Variants in ROR2 observed in about 807,000 individuals in gnomAD.
ROR2 encodes tyrosine-protein kinase transmembrane receptor ROR2.
In ROR2, 33 loss-of-function variants were observed where a neutral mutation model predicts 74.9. The observed-to-expected ratio is 0.44, with a 90% CI of 0.33 to 0.59. ROR2 has a LOEUF of 0.59. ROR2 is among the 20% of genes least tolerant of loss of function. The pLI is 0.02. For missense variants in ROR2, 1,216 were observed against 1,313.8 expected, an observed-to-expected ratio of 0.93 and a Z score of 1.15; for synonymous variants, 586 against 558.7, an observed-to-expected ratio of 1.05 and a Z score of -0.69.
At chr9:91,925,349 T>C (rs1831368635) in intron 1 of ROR2, among the ~76,000 whole-genome samples, 1 of 151,934 alleles carries the variant, frequency 6.6e-6, no homozygotes, top group Non-Finnish European at 1.5e-5. Flanking sequence ...CCTTCAGCCA[T>C]CCCAACAGCT....
At chr9:91,726,444 G>C in intron 8 of ROR2, 97 bp downstream of exon 8, 1 of 1,140,670 alleles carries the variant, frequency 8.8e-7, no homozygotes, top group South Asian at 1.2e-5. Flanking sequence ...TATGTGCTAT[G>C]TATCAAGTAA....
rs368583341 is a variant in ROR2, at chr9:91,948,566, C to A, written c.97+1301G>T. ...ATCAACATCTGCTTAAACTAAAACC[C>A]CCCCCCAGGAAAGACTGTGCAGCCT... On this transcript the variant is annotated intron_variant, in intron 1 of 8. Transcript: ENST00000375708. 21 of 984,402 alleles carry A rather than the reference C, an allele frequency of 2.1e-5. 1 individual carries two copies. The East Asian group carries it at 1.5e-3, about 69-fold the overall frequency. 61.0% of individuals were successfully genotyped at this position (984,402 alleles called of 1,614,324 possible). A position where few individuals can be genotyped will look rare whatever the true frequency, so the allele number is the denominator to read the frequency against.
intron 1 of ROR2, among the ~76,000 whole-genome samples, chr9:91,812,061 CA>C (rs527726654): frequency 3.9e-3 from 514 of 133,210 alleles, no homozygotes; most frequent in Admixed American, 5.8e-3. Flanking sequence ...TAAAAAAATG[CA>C]AAAAAAAAAA....
intron 2 of ROR2, among the ~76,000 whole-genome samples, chr9:91,763,949 T>C (rs1468302320): frequency 1.3e-5 from 2 of 152,254 alleles, no homozygotes; most frequent in Non-Finnish European, 2.9e-5. Context: ...GTAGTAAGAA[T>C]GTGCTTATTC....
At position 91,757,515 on chromosome 9, in the gene ROR2, CA is replaced by C; in HGVS notation, c.219del (p.Ile73MetfsTer24). The C allele has an allele frequency of 6.2e-7, 1 of 1,613,724 alleles. No individual in the cohort carries two copies. Among genetic ancestry groups the C allele is most frequent in the Admixed American group, 1.7e-5 (1 of 59,948 alleles). On this transcript the variant is annotated frameshift_variant, in exon 3 of 9. Coordinates refer to ENST00000375708, the MANE Select transcript of ROR2 (RefSeq NM_004560.4). LOFTEE classifies it high-confidence loss of function. ...TGCAGAATTGCCGTCTGGCCTTGGA[CA>C]ATGGTGATATTGTTTACTGGCTCCA... is the stretch of plus-strand genomic sequence containing the variant. ...NFLEPVNNIT[I>X]VQGQTAILHC... is the part of the protein sequence containing the mutation.
At chr9:91,878,859 C>T (rs1399089307) in intron 1 of ROR2, among the ~76,000 whole-genome samples, 2 of 152,082 alleles carry the variant, frequency 1.3e-5, no homozygotes, top group East Asian at 1.9e-4. Flanking sequence ...GGGCAGATCA[C>T]GAGGTCAGGA....
intron 2 of ROR2, among the ~76,000 whole-genome samples, chr9:91,765,161 T>C (rs1189421256): frequency 6.6e-6 from 1 of 152,254 alleles, no homozygotes; most frequent in African/African-American, 2.4e-5. Flanking sequence ...TTTCCTCATA[T>C]GATAATTCCA....
rs146263700 is a variant in ROR2 at position 91,826,179 on chromosome 9, C to T, written c.98-50361G>A. Among the ~76,000 whole-genome samples, 674 of 152,298 alleles carry T rather than the reference C, an allele frequency of 4.4e-3. 2 individuals are homozygous for T. The highest frequency in any genetic ancestry group is 6.8e-3 in the Middle Eastern group (2 of 294). On this transcript the variant is annotated intron_variant, in intron 1 of 8. Coordinates refer to ENST00000375708, the MANE Select transcript of ROR2 (RefSeq NM_004560.4). ...CGTGACTACCAGGCTTCAGTTTTCTCATCTACAGAATGGGGGAAATGAGCC... is the reference window on the plus strand; with the variant it reads ...CGTGACTACCAGGCTTCAGTTTTCTTATCTACAGAATGGGGGAAATGAGCC...
intron 1 of ROR2, among the ~76,000 whole-genome samples, chr9:91,922,556 C>T (rs1471166821): frequency 1.3e-5 from 2 of 151,998 alleles, no homozygotes; most frequent in East Asian, 1.9e-4. Context: ...CAGGTTCAAG[C>T]GATTCTCCGG....
chr9:91,863,741 G>A (rs1475969679), intron 1 of ROR2, among the ~76,000 whole-genome samples: 1 of 152,068 alleles, frequency 6.6e-6, no homozygotes, highest in East Asian at 1.9e-4. Flanking sequence ...GCAGATGGCT[G>A]GGCCTGGGGG....
At chr9:91,793,481 A>G (rs1827068643) in intron 1 of ROR2, among the ~76,000 whole-genome samples, 2 of 152,162 alleles carry the variant, frequency 1.3e-5, no homozygotes, top group South Asian at 4.1e-4. Context: ...AGCTCTGTTC[A>G]TTAATGAGAA....
intron 1 of ROR2, among the ~76,000 whole-genome samples, chr9:91,778,946 G>C (rs553678562): frequency 3.2e-4 from 48 of 152,234 alleles, no homozygotes; most frequent in African/African-American, 7.7e-4. Flanking sequence ...TTTAAGTGTG[G>C]CTGGTATAAT....
At chr9:91,863,873 G>C (rs1469710530) in intron 1 of ROR2, among the ~76,000 whole-genome samples, 1 of 152,182 alleles carries the variant, frequency 6.6e-6, no homozygotes, top group Non-Finnish European at 1.5e-5. Context: ...CTGGGTTATA[G>C]ACTTTAAATG....
intron 1 of ROR2, among the ~76,000 whole-genome samples, chr9:91,845,669 G>A (rs1384349241): frequency 1.3e-5 from 2 of 151,964 alleles, no homozygotes; most frequent in East Asian, 1.9e-4. Context: ...ATCACCTGAG[G>A]TCAGGCGTTT....
rs766587026 is a variant in ROR2, at chr9:91,723,802, G to C, written c.2692C>G (p.Gln898Glu). Residue 898 changes from glutamine (Q) to glutamate (E), a missense_variant, in exon 9 of 9, where the codon CAG (glutamine) becomes GAG (glutamate). Gln to Glu is a conservative substitution (Grantham distance 29). Transcript: ENST00000375708. ...TGGGCCCCATCTTCTGGGGCGTTCT[G>C]TGTGTCATCAGCGCCCTCTGAGAGC... ...ALLSEGADDT[Q>E]NAPEDGAQST... The C allele has an allele frequency of 3.7e-6, 6 of 1,613,918 alleles. No homozygotes were observed. Among genetic ancestry groups the C allele is most frequent in the Non-Finnish European group, 5.1e-6 (6 of 1,180,030 alleles).
chr9:91,761,325 T>C (rs532112947), intron 2 of ROR2, among the ~76,000 whole-genome samples: 28 of 152,186 alleles, frequency 1.8e-4, no homozygotes, highest in Non-Finnish European at 2.8e-4. Flanking sequence ...GCATTACATT[T>C]ATTGTGCACT....
chr9:91,796,574 C>A (rs1013817077), intron 1 of ROR2, among the ~76,000 whole-genome samples: 1 of 152,142 alleles, frequency 6.6e-6, no homozygotes, highest in Non-Finnish European at 1.5e-5. Context: ...ATTTGAGGTT[C>A]CAGTGTGACT....
chr9:91,878,520 T>A (rs28494543), intron 1 of ROR2, among the ~76,000 whole-genome samples: 4,881 of 152,306 alleles, frequency 0.032, 261 homozygotes, highest in African/African-American at 0.11. Flanking sequence ...TGTAGTTTCC[T>A]AAGGACAGAG....
At chr9:91,813,677 G>A (rs748598215) in intron 1 of ROR2, among the ~76,000 whole-genome samples, 9 of 152,188 alleles carry the variant, frequency 5.9e-5, no homozygotes, top group African/African-American at 1.4e-4. Flanking sequence ...AGATTCCAGC[G>A]TGTCCCATTT....
Sources: allele counts gnomAD v4.1 joint callset (sites outside exome capture counted in the v4.1 genomes callset), GRCh38; gene constraint gnomAD v4.1.1; transcripts MANE v1.5; gene names NCBI Gene and HGNC (gene_info 2026-07-23, HGNC 2026-07-21).